Variants in FMNL2 observed in about 807,000 individuals in gnomAD.
The protein encoded by FMNL2 is formin-like protein 2.
In FMNL2, 51 loss-of-function variants were observed where a neutral mutation model predicts 130.2. The observed-to-expected ratio is 0.39, with a 90% confidence interval of 0.31 to 0.49. The LOEUF is 0.49. FMNL2 is among the 20% of genes least tolerant of loss of function. The pLI, the probability that FMNL2 is intolerant of heterozygous loss-of-function variation, is 0.85. For missense variants in FMNL2, 977 were observed against 1,316.2 expected, an observed-to-expected ratio of 0.74 and a Z score of 3.99; for synonymous variants, 465 against 467.1, an observed-to-expected ratio of 1.00 and a Z score of 0.06.
intron 9 of FMNL2, among the ~76,000 whole-genome samples, chr2:152,585,944 C>T (rs1323276006): frequency 1.3e-5 from 2 of 150,840 alleles, no homozygotes; most frequent in Non-Finnish European, 1.5e-5. Context: ...AAAAATGCTT[C>T]CTTCTGAAGT....
At chr2:152,559,570 G>T (rs1695412274) in intron 5 of FMNL2, among the ~76,000 whole-genome samples, 1 of 152,170 alleles carries the variant, frequency 6.6e-6, no homozygotes, top group Non-Finnish European at 1.5e-5. Context: ...TCCCCAAAGT[G>T]TTGGGATTTC....
chr2:152,402,000 G>C (rs1020802202), intron 1 of FMNL2, among the ~76,000 whole-genome samples: 1 of 144,186 alleles, frequency 6.9e-6, no homozygotes, highest in Non-Finnish European at 1.5e-5. Context: ...CCGCCTCCCG[G>C]GCTCACATGC....
At chr2:152,369,483 C>T (rs1004401724) in intron 1 of FMNL2, among the ~76,000 whole-genome samples, 1 of 152,176 alleles carries the variant, frequency 6.6e-6, no homozygotes, top group Non-Finnish European at 1.5e-5. Context: ...GATGCCCTGC[C>T]TTTGGTATTT....
chr2:152,493,978 A>G (rs970349545), intron 1 of FMNL2, among the ~76,000 whole-genome samples: 19 of 152,246 alleles, frequency 1.2e-4, no homozygotes, highest in Admixed American at 2.6e-4. Flanking sequence ...TTTGGCTTAC[A>G]TATCTTATTT....
chr2:152,552,446 A>G (rs1694986153), intron 4 of FMNL2, among the ~76,000 whole-genome samples: 1 of 152,194 alleles, frequency 6.6e-6, no homozygotes, highest in East Asian at 1.9e-4. Flanking sequence ...TCCTAAAAAA[A>G]TTGTTCTGGG....
chr2:152,537,636 C>G (rs1200230191), intron 2 of FMNL2, among the ~76,000 whole-genome samples: 1 of 149,090 alleles, frequency 6.7e-6, no homozygotes, highest in Non-Finnish European at 1.5e-5. Flanking sequence ...AAAGAAGTGA[C>G]TTGTATGTGA....
intron 1 of FMNL2, among the ~76,000 whole-genome samples, chr2:152,514,170 G>GT (rs888956749): frequency 1.9e-4 from 29 of 152,236 alleles, no homozygotes; most frequent in African/African-American, 7.0e-4. Flanking sequence ...TTAATTTGAT[G>GT]TCCCAATAAT....
At chr2:152,591,221 G>T (rs1179392964) in intron 9 of FMNL2, among the ~76,000 whole-genome samples, 2 of 151,810 alleles carry the variant, frequency 1.3e-5, no homozygotes, top group African/African-American at 2.4e-5. Flanking sequence ...ATATTGGCCA[G>T]ACTGGTCTCG....
chr2:152,558,722 T>TG lies in FMNL2; in HGVS notation c.360-18_360-17insG. On this transcript the variant is annotated splice_polypyrimidine_tract_variant and intron_variant, in intron 4 of 25. Transcript: ENST00000288670. ...TGATCAATTTCTCCAATGATTTTTTTTTTTTTTTCCCCAACAGATGGGTCA... is the reference window on the plus strand; with the variant it reads ...TGATCAATTTCTCCAATGATTTTTTTGTTTTTTTTCCCCAACAGATGGGTCA... The TG allele has an allele frequency of 1.9e-6, 3 of 1,591,654 alleles. No homozygotes were observed. The highest frequency in any genetic ancestry group is 2.6e-6 in the Non-Finnish European group (3 of 1,172,792).
intron 1 of FMNL2, among the ~76,000 whole-genome samples, chr2:152,513,534 T>C (rs1379644094): frequency 1.3e-5 from 2 of 152,198 alleles, no homozygotes; most frequent in Non-Finnish European, 2.9e-5. Context: ...TTAGTCTGTT[T>C]TGGTCACCTA....
chr2:152,644,465 T>A (rs1229378888), intron 25 of FMNL2, among the ~76,000 whole-genome samples: 1 of 152,176 alleles, frequency 6.6e-6, no homozygotes, highest in Non-Finnish European at 1.5e-5. Flanking sequence ...ATGGAACTCG[T>A]AATATGAGCT....
At chr2:152,359,215 TAGC>T (rs1036556516) in intron 1 of FMNL2, among the ~76,000 whole-genome samples, 2 of 152,244 alleles carry the variant, frequency 1.3e-5, no homozygotes, top group Admixed American at 6.5e-5. Flanking sequence ...CTTAATATAA[TAGC>T]AGCTAATATT....
In FMNL2 at chr2:152,365,230, A is replaced by T. The variant is rs1325691296; in HGVS notation, c.117+29510A>T. ...CTTAAGGAGAGTTGACTTGAATTGG[A>T]GAGTGGAAGATGAATGTAATGGCTT... On this transcript the variant is annotated intron_variant, in intron 1 of 25. Transcript: ENST00000288670. Among the ~76,000 whole-genome samples, 4 of 152,166 alleles carry T rather than the reference A, an allele frequency of 2.6e-5. No homozygotes were observed. In the East Asian group the frequency reaches 7.7e-4, roughly 29 times the overall value.
At chr2:152,362,975 A>G (rs928443761) in intron 1 of FMNL2, among the ~76,000 whole-genome samples, 5 of 152,220 alleles carry the variant, frequency 3.3e-5, no homozygotes, top group African/African-American at 1.2e-4. Flanking sequence ...TGAAATGTCC[A>G]TAACAGGCAA....
chr2:152,389,846 A>G lies in FMNL2; in HGVS notation c.117+54126A>G, dbSNP rs992362630. 8 of 1,123,440 alleles carry G rather than the reference A, an allele frequency of 7.1e-6. No individual in the cohort carries two copies. The African/African-American group carries it at 1.1e-4, about 15-fold the overall frequency. The allele number at this position is 1,123,440 out of a possible 1,614,324, so 69.6% of individuals were successfully genotyped here. ...GGGATGGCAAAGAAGCTTATCATACAGACTTTCAGCCACGACAATCAGCTG... is the reference window on the plus strand; with the variant it reads ...GGGATGGCAAAGAAGCTTATCATACGGACTTTCAGCCACGACAATCAGCTG... On this transcript the variant is annotated intron_variant, in intron 1 of 25. Transcript: ENST00000288670.
rs116165896 is a variant in FMNL2 at position 152,462,572 on chromosome 2, C to T, written c.118-59371C>T. On this transcript the variant is annotated intron_variant, in intron 1 of 25. Coordinates refer to ENST00000288670, the MANE Select transcript of FMNL2 (RefSeq NM_052905.4). ...AATTCTCCACAAATCTATTTCCTTG[C>T]TATTCATATTATATGTAAGTTTGCT... 4.7e-3 allele frequency among the ~76,000 whole-genome samples: 720 copies of T among 152,268 alleles called. 6 individuals are homozygous for T. Among genetic ancestry groups the T allele is most frequent in the African/African-American group, 0.016 (684 of 41,556 alleles).
At chr2:152,581,433 G>T (rs1436202909) in intron 9 of FMNL2, among the ~76,000 whole-genome samples, 2 of 152,138 alleles carry the variant, frequency 1.3e-5, no homozygotes, top group African/African-American at 4.8e-5. Context: ...ATTTTTGCTG[G>T]ATGCTATGAA....
chr2:152,604,171 A>G (rs1271381198), intron 9 of FMNL2, among the ~76,000 whole-genome samples: 1 of 150,822 alleles, frequency 6.6e-6, no homozygotes, highest in Admixed American at 6.6e-5. Flanking sequence ...GGAATGCCTT[A>G]ACTACCTTCT....
intron 1 of FMNL2, among the ~76,000 whole-genome samples, chr2:152,408,484 TG>T (rs1352345813): frequency 1.3e-5 from 2 of 152,226 alleles, no homozygotes; most frequent in African/African-American, 4.8e-5. Flanking sequence ...CCCTCTTGTC[TG>T]TTTTTCCCAA....
Sources: gnomAD v4.1 joint callset for allele counts (sites outside exome capture counted in the v4.1 genomes callset) on GRCh38, gnomAD v4.1.1 for gene constraint, MANE v1.5 for transcripts, NCBI Gene and HGNC (gene_info 2026-07-23, HGNC 2026-07-21) for gene names.